The following PCDHGA11 variants were observed in gnomAD, a reference collection of about 807,000 sequenced individuals.
The protein encoded by PCDHGA11 is protocadherin gamma subfamily A, 11.
PCDHGA11 carries 39 observed loss-of-function variants against 60.4 expected under a neutral mutation model. The ratio of observed to expected loss-of-function variants is 0.65; its 90% CI spans 0.50 to 0.84. The LOEUF (loss-of-function observed/expected upper bound fraction) is 0.84. Among genes scored for constraint, PCDHGA11 ranks in the 40% least tolerant of loss-of-function variants. The probability of loss-of-function intolerance (pLI) is 0.00; values close to 1 mark genes in which losing one functional copy is unlikely to be tolerated. For synonymous variants in PCDHGA11, 533 were observed against 510.3 expected, an observed-to-expected ratio of 1.04 and a Z score of -0.60; for missense variants, 1,165 against 1,197.7, an observed-to-expected ratio of 0.97 and a Z score of 0.40.
At position 141,477,577 on chromosome 5, in the gene PCDHGA11, G is replaced by T; in HGVS notation, c.2434-17230G>T. Reference sequence around the variant, plus strand: ...TAAGTGTCTGGGACCCCGACGCCCCGCAGAATGCTCGGCTTTCTTTCTTTC... The same window carrying T: ...TAAGTGTCTGGGACCCCGACGCCCCTCAGAATGCTCGGCTTTCTTTCTTTC... On this transcript the variant is annotated intron_variant, in intron 1 of 3. Transcript: ENST00000398587. The surrounding 1 kb of genome is among the most constrained non-coding windows in gnomAD (Gnocchi z 4.9). 1.2e-6 allele frequency: 2 copies of T among 1,614,124 alleles called. No homozygotes were observed. Among genetic ancestry groups the T allele is most frequent in the Non-Finnish European group, 1.7e-6 (2 of 1,180,020 alleles).
chr5:141,478,011 G>A (rs1216659966), intron 1 of PCDHGA11: 1 of 1,614,088 alleles, frequency 6.2e-7, no homozygotes, highest in East Asian at 2.2e-5. Flanking sequence ...AGTACTGCCC[G>A]TCCAGTCCAA....
rs751894091 is a variant in PCDHGA11, at chr5:141,423,256, G to A, written c.2029G>A (p.Gly677Ser). The change falls in exon 1 of 4, where the codon GGC (glycine) becomes AGC (serine). Residue 677 changes from glycine (G) to serine (S), a missense_variant. By Grantham distance (56) the Gly-to-Ser change is moderately conservative (BLOSUM62 0). Transcript: ENST00000398587. ...DSIPEVLADLGSLESLANSET... is the reference protein window; with the variant it reads ...DSIPEVLADLSSLESLANSET... Reference sequence around the variant, plus strand: ...CATCCCCGAAGTCCTGGCGGACCTCGGCAGCCTCGAGTCTCTGGCTAACTC... The same window carrying A: ...CATCCCCGAAGTCCTGGCGGACCTCAGCAGCCTCGAGTCTCTGGCTAACTC... The A allele has an allele frequency of 1.9e-6, 3 of 1,613,816 alleles. No individual in the cohort carries two copies. The highest frequency in any genetic ancestry group is 2.2e-5 in the South Asian group (2 of 91,086).
chr5:141,454,657 CG>C (rs1313292109), intron 1 of PCDHGA11, among the ~76,000 whole-genome samples: 1 of 152,074 alleles, frequency 6.6e-6, no homozygotes, highest in Admixed American at 6.6e-5. Flanking sequence ...CTGCCCACCT[CG>C]GCCTCCCAAA....
chr5:141,509,809 A>G (rs13163163), intron 3 of PCDHGA11, among the ~76,000 whole-genome samples: 35,240 of 151,962 alleles, frequency 0.23, 4,247 homozygotes, highest in Admixed American at 0.33. Context: ...CATAGAGCCG[A>G]GCTCTTCTCC....
At chr5:141,500,446 T>C (rs2099800320) in intron 2 of PCDHGA11, among the ~76,000 whole-genome samples, 1 of 152,002 alleles carries the variant, frequency 6.6e-6, no homozygotes, top group South Asian at 2.1e-4. Context: ...CCTGACCTCG[T>C]GATCCGCCCG....
chr5:141,486,653 C>G lies in PCDHGA11; in HGVS notation c.2434-8154C>G. On this transcript the variant is annotated intron_variant, in intron 1 of 3. Transcript: ENST00000398587. This position sits in a 1 kb window ranked among gnomAD's most constrained non-coding sequence, Gnocchi z 5.0. ...CTTGAATGCGCTTATCTCCTACTCA[C>G]TCCTGGAGCCCAGGAATCGAGATGT... is the stretch of plus-strand genomic sequence containing the variant. 1 of 1,613,968 alleles carries G rather than the reference C, an allele frequency of 6.2e-7. No individual in the cohort carries two copies. Among genetic ancestry groups the G allele is most frequent in the Non-Finnish European group, 8.5e-7 (1 of 1,180,034 alleles).
At chr5:141,500,453 C>G (rs1403599390) in intron 2 of PCDHGA11, among the ~76,000 whole-genome samples, 1 of 152,246 alleles carries the variant, frequency 6.6e-6, no homozygotes, top group African/African-American at 2.4e-5. Flanking sequence ...TCGTGATCCG[C>G]CCGCCTCGGC....
At position 141,511,482 on chromosome 5, in the gene PCDHGA11, C is replaced by A. The variant is rs761434245; in HGVS notation, c.*309C>A. ...CACACCCCGTTTAGTTACAGCTGAA[C>A]TCCTCCATCTTCCAAATCAATCAGG... On this transcript the variant is annotated 3_prime_UTR_variant, in exon 4 of 4. Coordinates refer to ENST00000398587, the MANE Select transcript of PCDHGA11 (RefSeq NM_018914.3). The A allele has an allele frequency of 2.4e-4, 113 of 464,462 alleles. No homozygotes were observed. Among genetic ancestry groups the A allele is most frequent in the Non-Finnish European group, 4.0e-4 (105 of 260,154 alleles). The allele number at this position is 464,462 out of a possible 1,614,324, so 28.8% of individuals were successfully genotyped here. A position where few individuals can be genotyped will look rare whatever the true frequency, so the allele number is the denominator to read the frequency against.
intron 1 of PCDHGA11, among the ~76,000 whole-genome samples, chr5:141,481,886 C>T (rs575190135): frequency 6.9e-6 from 1 of 145,360 alleles, no homozygotes; most frequent in South Asian, 2.2e-4. Context: ...TGCACTCCAG[C>T]CTGGGTGAAA....
intron 1 of PCDHGA11, among the ~76,000 whole-genome samples, chr5:141,456,544 G>C (rs1020609068): frequency 6.6e-6 from 1 of 152,192 alleles, no homozygotes; most frequent in Non-Finnish European, 1.5e-5. Context: ...AGGGATTGTA[G>C]CCACTCGGGG....
intron 1 of PCDHGA11, among the ~76,000 whole-genome samples, chr5:141,455,860 ATTATTTATTTAT>A (rs145569377): frequency 0.023 from 3,231 of 139,812 alleles, 82 homozygotes; most frequent in African/African-American, 0.066. Context: ...AATTTCTTTT[ATTATTTATTTAT>A]TTATTTATTT....
intron 1 of PCDHGA11, among the ~76,000 whole-genome samples, chr5:141,473,195 C>G (rs1053769499): frequency 6.6e-6 from 1 of 152,104 alleles, no homozygotes; most frequent in Non-Finnish European, 1.5e-5. Flanking sequence ...GTAAATGTAT[C>G]TTCTAAAAAA....
At chr5:141,460,150 T>G (rs1169568683) in intron 1 of PCDHGA11, among the ~76,000 whole-genome samples, 1 of 152,106 alleles carries the variant, frequency 6.6e-6, no homozygotes, top group East Asian at 1.9e-4. Context: ...ATGTGAGCTC[T>G]TTGTCACATA....
At position 141,422,140 on chromosome 5, in the gene PCDHGA11, C is replaced by A; in HGVS notation, c.913C>A (p.Arg305=). The A allele has an allele frequency of 6.3e-7, 1 of 1,586,776 alleles. No homozygotes were observed. The highest frequency in any genetic ancestry group is 8.5e-7 in the Non-Finnish European group (1 of 1,170,830). The part of the protein sequence containing the change: ...LDSQTGEVQV[R]GSLDFEKYRF... ...TTCACAAACTGGAGAAGTTCAAGTA[C>A]GGGGGTCTCTGGATTTTGAAAAATA... Residue 305 remains arginine, a synonymous_variant, in exon 1 of 4, where the codon CGG becomes AGG. Coordinates refer to ENST00000398587, the MANE Select transcript of PCDHGA11 (RefSeq NM_018914.3).
intron 1 of PCDHGA11, among the ~76,000 whole-genome samples, chr5:141,483,875 AT>A (rs2154580008): frequency 6.6e-6 from 1 of 151,964 alleles, no homozygotes; most frequent in Admixed American, 6.6e-5. Context: ...ATCAGGATGG[AT>A]TTTTCTATTT....
At chr5:141,465,047 T>C (rs2099095978) in intron 1 of PCDHGA11, among the ~76,000 whole-genome samples, 1 of 152,088 alleles carries the variant, frequency 6.6e-6, no homozygotes, top group Non-Finnish European at 1.5e-5. Context: ...TGACCCTATA[T>C]ATTTTTTTGA....
chr5:141,434,401 T>C (rs1036239430), intron 1 of PCDHGA11, among the ~76,000 whole-genome samples: 2 of 152,242 alleles, frequency 1.3e-5, no homozygotes. Context: ...ACAAAATCTC[T>C]GCAGCACTGT....
intron 1 of PCDHGA11, among the ~76,000 whole-genome samples, chr5:141,464,076 C>A (rs561982216): frequency 3.1e-4 from 47 of 152,132 alleles, no homozygotes; most frequent in African/African-American, 9.4e-4. Context: ...GCCAGCCTGG[C>A]CAACATGGTG....
At chr5:141,504,995 G>A (rs1214858212) in intron 2 of PCDHGA11, among the ~76,000 whole-genome samples, 6 of 151,980 alleles carry the variant, frequency 3.9e-5, no homozygotes, top group African/African-American at 1.5e-4. Context: ...AACCCCGTCT[G>A]TACTAAAAAT....
Sources: allele counts gnomAD v4.1 joint callset (sites outside exome capture counted in the v4.1 genomes callset), GRCh38; gene constraint gnomAD v4.1.1; non-coding constraint Gnocchi (gnomAD v3.1); transcripts MANE v1.5; gene names NCBI Gene and HGNC (gene_info 2026-07-23, HGNC 2026-07-21).